The following HS6ST2 variants were observed in gnomAD, a reference collection of about 807,000 sequenced individuals.
HS6ST2 encodes heparan sulfate 6-O-sulfotransferase 2, also known as heparan-sulfate 6-O-sulfotransferase 2.
In HS6ST2, 17 loss-of-function variants were observed where a neutral mutation model predicts 33.0. That is an observed-to-expected ratio of 0.52 (90% CI 0.35 to 0.77). The LOEUF is 0.77. HS6ST2 is among the 30% of genes least tolerant of loss of function. The probability of loss-of-function intolerance (pLI) is 0.01; values close to 1 mark genes in which losing one functional copy is unlikely to be tolerated. For synonymous variants in HS6ST2, 248 were observed against 237.1 expected, an observed-to-expected ratio of 1.05 and a Z score of -0.42; for missense variants, 519 against 551.7, an observed-to-expected ratio of 0.94 and a Z score of 0.59.
intron 2 of HS6ST2, among the ~76,000 whole-genome samples, chrX:132,898,800 G>A (rs913364534): frequency 2.7e-5 from 3 of 111,199 alleles, no homozygotes; most frequent in African/African-American, 9.8e-5. Flanking sequence ...AGAGAAGAGA[G>A]CTACATAGGA....
intron 2 of HS6ST2, among the ~76,000 whole-genome samples, chrX:132,785,872 T>C (rs1046883513): frequency 8.9e-6 from 1 of 111,790 alleles, no homozygotes; most frequent in Non-Finnish European, 1.9e-5. Context: ...CTGGTTACCA[T>C]AGTAGAAAGG....
At chrX:132,950,362 G>T (rs770771652) in intron 2 of HS6ST2, among the ~76,000 whole-genome samples, 16 of 112,048 alleles carry the variant, frequency 1.4e-4, no homozygotes, top group Non-Finnish European at 2.8e-4. Flanking sequence ...TCCCAGAAAA[G>T]AAATTATGGG....
intron 2 of HS6ST2, among the ~76,000 whole-genome samples, chrX:132,947,231 G>T (rs1200035737): frequency 9.1e-6 from 1 of 109,521 alleles, no homozygotes; most frequent in East Asian, 2.8e-4. Flanking sequence ...GTGTGTGTGC[G>T]TGTATGTGTG....
chrX:132,673,165 C>T (rs182920968), intron 3 of HS6ST2, among the ~76,000 whole-genome samples: 472 of 112,506 alleles, frequency 4.2e-3, no homozygotes, highest in African/African-American at 0.014. Flanking sequence ...ATATCTTTTA[C>T]TAGGCACTTA....
intron 2 of HS6ST2, among the ~76,000 whole-genome samples, chrX:132,911,165 A>AC (rs1302305618): frequency 3.7e-5 from 4 of 106,964 alleles, no homozygotes; most frequent in African/African-American, 1.4e-4. Flanking sequence ...AAAAAAAAAA[A>AC]CTTAGAGGGG....
intron 2 of HS6ST2, among the ~76,000 whole-genome samples, chrX:132,938,275 A>G (rs1341903735): frequency 1.8e-5 from 2 of 110,335 alleles, no homozygotes; most frequent in African/African-American, 6.6e-5. Flanking sequence ...TTTTTTAAAG[A>G]AACACTCATC....
At chrX:132,960,907 G>C (rs924904349), upstream of HS6ST2, among the ~76,000 whole-genome samples, 1 of 110,864 alleles carries the variant, frequency 9.0e-6, no homozygotes, top group Non-Finnish European at 1.9e-5. Context: ...ATCCCTCCAG[G>C]ATTGAAGAGG....
At chrX:132,794,586 T>C (rs866947073) in intron 2 of HS6ST2, among the ~76,000 whole-genome samples, 1 of 103,886 alleles carries the variant, frequency 9.6e-6, no homozygotes, top group Non-Finnish European at 1.9e-5. Flanking sequence ...TTATTATTAT[T>C]ATTATTATTA....
intron 2 of HS6ST2, among the ~76,000 whole-genome samples, chrX:132,787,474 G>A (rs1330315416): frequency 2.1e-5 from 2 of 97,299 alleles, no homozygotes; most frequent in Non-Finnish European, 4.0e-5. Flanking sequence ...TGTATTTTTA[G>A]TAGAGATGGG....
intron 3 of HS6ST2, among the ~76,000 whole-genome samples, chrX:132,706,352 T>C (rs2064189106): frequency 8.9e-6 from 1 of 112,220 alleles, no homozygotes; most frequent in African/African-American, 3.2e-5. Flanking sequence ...ATTATAAAAA[T>C]AAGTCTGGCT....
chrX:132,724,413 C>T (rs2064372177), intron 2 of HS6ST2, among the ~76,000 whole-genome samples: 1 of 111,255 alleles, frequency 9.0e-6, no homozygotes, highest in Admixed American at 9.5e-5. Flanking sequence ...TTACAATAGC[C>T]ACAAATATAA....
intron 2 of HS6ST2, among the ~76,000 whole-genome samples, chrX:132,893,426 G>T (rs1214528715): frequency 1.8e-5 from 2 of 112,370 alleles, no homozygotes; most frequent in Non-Finnish European, 3.8e-5. Context: ...AAGGAAAGGA[G>T]AGGGAGCAGT....
intron 2 of HS6ST2, among the ~76,000 whole-genome samples, chrX:132,743,192 C>A (rs1279159117): frequency 8.9e-6 from 1 of 112,685 alleles, no homozygotes; most frequent in East Asian, 2.8e-4. Flanking sequence ...AAAGGTCAAG[C>A]TGCAATCCAA....
chrX:132,908,715 T>C (rs929471499), intron 2 of HS6ST2, among the ~76,000 whole-genome samples: 2 of 110,212 alleles, frequency 1.8e-5, no homozygotes, highest in Non-Finnish European at 3.8e-5. Flanking sequence ...TGCCTAGAGG[T>C]GTGAGGAATG....
chrX:132,643,400 T>C (rs2063616172), intron 4 of HS6ST2, among the ~76,000 whole-genome samples: 1 of 111,626 alleles, frequency 9.0e-6, no homozygotes, highest in African/African-American at 3.3e-5. Flanking sequence ...CCATGTCCCA[T>C]GTGTGGAAAC....
At chrX:132,728,948 C>G (rs924850747) in intron 2 of HS6ST2, among the ~76,000 whole-genome samples, 1 of 112,725 alleles carries the variant, frequency 8.9e-6, no homozygotes, top group African/African-American at 3.2e-5. Context: ...AATATTGAAT[C>G]CCCTCCACCT....
upstream of HS6ST2, chrX:132,961,229 T>C (rs1812013973): frequency 1.8e-5 from 2 of 110,432 alleles, no homozygotes; most frequent in South Asian, 7.9e-4. Flanking sequence ...TGTATGCATA[T>C]ATTTGGGATT....
intron 2 of HS6ST2, among the ~76,000 whole-genome samples, chrX:132,912,126 C>A (rs753882013): frequency 8.9e-6 from 1 of 112,710 alleles, no homozygotes; most frequent in South Asian, 3.7e-4. Flanking sequence ...ATCTCCATTG[C>A]AAAGTAACAA....
At chrX:132,657,558 A>ATT (rs2063740010) in intron 4 of HS6ST2, among the ~76,000 whole-genome samples, 1 of 109,743 alleles carries the variant, frequency 9.1e-6, no homozygotes, top group Non-Finnish European at 1.9e-5. Flanking sequence ...CCCCAAAGTT[A>ATT]CTGAAAACCA....
Sources: gnomAD v4.1 joint callset for allele counts (sites outside exome capture counted in the v4.1 genomes callset) on GRCh38, gnomAD v4.1.1 for gene constraint, MANE v1.5 for transcripts, NCBI Gene and HGNC (gene_info 2026-07-23, HGNC 2026-07-21) for gene names.